MICU1: variants seen among roughly 807,000 people sequenced by gnomAD.
MICU1 encodes the protein calcium uptake protein 1, mitochondrial.
Under a neutral mutation model 56.8 loss-of-function variants are expected in MICU1, and 45 were observed. The observed-to-expected ratio is 0.79, with a 90% CI of 0.62 to 1.02. The LOEUF (loss-of-function observed/expected upper bound fraction) is 1.02. MICU1 is among the 50% of genes least tolerant of loss of function. The pLI is 0.00. For synonymous variants in MICU1, 186 were observed against 195.1 expected, an observed-to-expected ratio of 0.95 and a Z score of 0.39; for missense variants, 504 against 587.1, an observed-to-expected ratio of 0.86 and a Z score of 1.46.
intron 1 of MICU1, among the ~76,000 whole-genome samples, chr10:72,589,149 C>T (rs766754357): frequency 1.1e-4 from 16 of 151,928 alleles, no homozygotes; most frequent in Admixed American, 7.2e-4. Context: ...ATTAGCTGGG[C>T]GTGGTGGCAG....
At chr10:72,505,907 G>A (rs1167099545) in intron 6 of MICU1, among the ~76,000 whole-genome samples, 1 of 149,812 alleles carries the variant, frequency 6.7e-6, no homozygotes, top group African/African-American at 2.5e-5. Flanking sequence ...CCAAACGTCA[G>A]CATCACCCAA....
At chr10:72,428,865 T>A (rs946876225) in intron 8 of MICU1, among the ~76,000 whole-genome samples, 2 of 152,202 alleles carry the variant, frequency 1.3e-5, no homozygotes, top group African/African-American at 2.4e-5. Flanking sequence ...GTTTGATATG[T>A]TTTGTTTTCA....
rs112664163 is a variant in MICU1, at chr10:72,475,521, C to T, written c.736-224G>A. Among the ~76,000 whole-genome samples the T allele has an allele frequency of 0.054, 8,153 of 151,956 alleles. 750 individuals are homozygous for T. The highest frequency in any genetic ancestry group is 0.19 in the African/African-American group (7,719 of 41,386). ...TCAGCTCACTGCAACCTCCACCTCC[C>T]GGGTTCAAGCAATTCTCATGCCTCA... is the stretch of plus-strand genomic sequence containing the variant. On this transcript the variant is annotated intron_variant, in intron 7 of 11. Coordinates refer to ENST00000361114, the MANE Select transcript of MICU1 (RefSeq NM_001195518.2).
chr10:72,409,053 A>G (rs967775398), intron 9 of MICU1, among the ~76,000 whole-genome samples: 5 of 151,004 alleles, frequency 3.3e-5, no homozygotes, highest in Non-Finnish European at 7.4e-5. Context: ...CTTTATAGGG[A>G]GGAAGATTTG....
At position 72,552,578 on chromosome 10, in the gene MICU1, G is replaced by C. The variant is rs976782308; in HGVS notation, c.331-1237C>G. 5.9e-5 allele frequency among the ~76,000 whole-genome samples: 9 copies of C among 151,992 alleles called. No individual in the cohort carries two copies. In the East Asian group the frequency reaches 1.7e-3, roughly 29 times the overall value. ...ATTTATTTATTTATTTTTTTGAGAT[G>C]GAGTTTTGTTCTTGTTGCCCAGGCT... On this transcript the variant is annotated intron_variant, in intron 3 of 11. Transcript: ENST00000361114.
intron 6 of MICU1, among the ~76,000 whole-genome samples, chr10:72,486,467 G>GT (rs1485182583): frequency 2.0e-5 from 3 of 151,986 alleles, no homozygotes; most frequent in Non-Finnish European, 4.4e-5. Context: ...AGTTCAATTT[G>GT]TTTTTTTGTT....
chr10:72,486,789 T>TAC (rs2132293958), intron 6 of MICU1, among the ~76,000 whole-genome samples: 1 of 152,226 alleles, frequency 6.6e-6, no homozygotes, highest in African/African-American at 2.4e-5. Flanking sequence ...CATATACACA[T>TAC]ACACACGTGC....
chr10:72,456,846 ATT>A (rs1254221156), intron 8 of MICU1, among the ~76,000 whole-genome samples: 2 of 96,250 alleles, frequency 2.1e-5, no homozygotes, highest in Non-Finnish European at 4.3e-5. Context: ...TGCCGGGCTC[ATT>A]TTGTGTGTGT....
At chr10:72,568,423 T>A (rs1258176675) in intron 1 of MICU1, among the ~76,000 whole-genome samples, 1 of 152,212 alleles carries the variant, frequency 6.6e-6, no homozygotes, top group African/African-American at 2.4e-5. Flanking sequence ...TGTCTTGCTC[T>A]AACCAATGGA....
At position 72,571,568 on chromosome 10, in the gene MICU1, T is replaced by C. The variant is rs146768063; in HGVS notation, c.-1-4774A>G. 1.4e-4 allele frequency among the ~76,000 whole-genome samples: 22 copies of C among 152,254 alleles called. 1 individual carries two copies. The East Asian group carries it at 4.2e-3, about 29-fold the overall frequency. On this transcript the variant is annotated intron_variant, in intron 1 of 11. Transcript: ENST00000361114. Reference sequence around the variant, plus strand: ...CAAGTTCTTTAATAGGAAGAGATCATGGTAAAAACGGGTTAAAGCATTATC... The same window carrying C: ...CAAGTTCTTTAATAGGAAGAGATCACGGTAAAAACGGGTTAAAGCATTATC...
At chr10:72,392,250 A>G (rs759924693) in intron 10 of MICU1, among the ~76,000 whole-genome samples, 5 of 152,242 alleles carry the variant, frequency 3.3e-5, no homozygotes, top group Non-Finnish European at 5.9e-5. Flanking sequence ...GAAGATACCA[A>G]GGGACAACTA....
At chr10:72,619,664 T>C (rs1161179857) in intron 1 of MICU1, among the ~76,000 whole-genome samples, 2 of 152,108 alleles carry the variant, frequency 1.3e-5, no homozygotes, top group Non-Finnish European at 2.9e-5. Flanking sequence ...AGATAAATTA[T>C]GAGAACCAAC....
At chr10:72,605,287 T>C (rs1841656691) in intron 1 of MICU1, among the ~76,000 whole-genome samples, 1 of 152,186 alleles carries the variant, frequency 6.6e-6, no homozygotes, top group African/African-American at 2.4e-5. Flanking sequence ...AGTTACCCTA[T>C]ATGGTCAGAA....
At chr10:72,606,028 G>A (rs1468079702) in intron 1 of MICU1, among the ~76,000 whole-genome samples, 4 of 151,766 alleles carry the variant, frequency 2.6e-5, no homozygotes, top group African/African-American at 9.7e-5. Context: ...CTACTCAGGA[G>A]GCTGAGACAG....
chr10:72,581,876 T>C (rs1840908491), intron 1 of MICU1, among the ~76,000 whole-genome samples: 1 of 152,188 alleles, frequency 6.6e-6, no homozygotes, highest in Non-Finnish European at 1.5e-5. Context: ...AAATAAAATA[T>C]AAAGGTACTT....
intron 1 of MICU1, among the ~76,000 whole-genome samples, chr10:72,568,517 T>C (rs143338324): frequency 3.3e-5 from 5 of 152,274 alleles, no homozygotes; most frequent in Non-Finnish European, 5.9e-5. Flanking sequence ...GGGAAGACCA[T>C]GTCCCAAAGA....
chr10:72,461,086 A>G (rs1270748868), intron 8 of MICU1, among the ~76,000 whole-genome samples: 1 of 152,080 alleles, frequency 6.6e-6, no homozygotes, highest in Non-Finnish European at 1.5e-5. Flanking sequence ...GGAGAACGTA[A>G]AGAAACTTTC....
intron 7 of MICU1, 24 bp downstream of exon 7, chr10:72,477,150 G>A (rs1316765030): frequency 1.3e-5 from 19 of 1,492,550 alleles, no homozygotes; most frequent in Non-Finnish European, 1.7e-5. Flanking sequence ...AATGTATTTA[G>A]AGGAACTCTC....
chr10:72,589,423 T>C (rs1337019541), intron 1 of MICU1, among the ~76,000 whole-genome samples: 2 of 152,340 alleles, frequency 1.3e-5, no homozygotes, highest in South Asian at 2.1e-4. Context: ...TACATTTTAC[T>C]TAGACAAGGT....
Sources: allele counts gnomAD v4.1 joint callset (sites outside exome capture counted in the v4.1 genomes callset), GRCh38; gene constraint gnomAD v4.1.1; transcripts MANE v1.5; gene names NCBI Gene and HGNC (gene_info 2026-07-23, HGNC 2026-07-21).